The following OR13A1 variants were observed in gnomAD, a reference collection of about 807,000 sequenced individuals.
OR13A1 encodes the protein olfactory receptor family 13 subfamily A member 1, also known as olfactory receptor 13A1.
A neutral mutation model predicts 7.5 loss-of-function variants in OR13A1; 10 were observed. That is an observed-to-expected ratio of 1.34 (90% CI 0.83 to 2.27). The LOEUF is 2.27. Ranked by LOEUF, OR13A1 falls within the 30% of genes most tolerant of loss-of-function variation. The pLI, the probability that OR13A1 is intolerant of heterozygous loss-of-function variation, is 0.00. For missense variants in OR13A1, 509 were observed against 419.1 expected (o/e 1.21, Z -1.87); for synonymous variants, 238 against 177.9 (o/e 1.34, Z -2.69).
chr10:45,307,479 C>T lies in OR13A1; in HGVS notation c.-66G>A, dbSNP rs1838355817. 1 of 152,098 alleles carries T rather than the reference C, an allele frequency of 6.6e-6. No individual in the cohort carries two copies. The highest frequency in any genetic ancestry group is 1.5e-5 in the Non-Finnish European group (1 of 68,034). The allele number at this position is 152,098 out of a possible 1,614,324, so 9.4% of individuals were successfully genotyped here. A position where few individuals can be genotyped will look rare whatever the true frequency, so the allele number is the denominator to read the frequency against. On this transcript the variant is annotated 5_prime_UTR_variant, in exon 3 of 4. Transcript: ENST00000553795. Reference sequence around the variant, plus strand: ...AGGACAGTCTTCTCAATCAACTGGTCAATAATGAGATCAAAGAATCGGGGC... The same window carrying T: ...AGGACAGTCTTCTCAATCAACTGGTTAATAATGAGATCAAAGAATCGGGGC...
At position 45,303,487 on chromosome 10, in the gene OR13A1, G is replaced by T. The variant is rs770207447; in HGVS notation, c.936C>A (p.Asn312Lys). Residue 312 changes from asparagine (N) to lysine (K), a missense_variant, in exon 4 of 4, where the codon AAC (asparagine) becomes AAA (lysine). Asn to Lys is a moderately conservative substitution (Grantham distance 94). Coordinates refer to ENST00000553795, the MANE Select transcript of OR13A1 (RefSeq NM_001004297.3). ...TCCTGAGGGCTGCTTTGACCTCCTT[G>T]TTTCTCAAAGTATAGATGAGGGGGT... Reference protein sequence around the residue: ...TLNPLIYTLRNKEVKAALRKL... With the variant: ...TLNPLIYTLRKKEVKAALRKL... The T allele has an allele frequency of 6.2e-7, 1 of 1,611,596 alleles. No individual in the cohort carries two copies. The highest frequency in any genetic ancestry group is 1.3e-5 in the African/African-American group (1 of 74,878).
chr10:45,303,444 T>C lies in OR13A1; in HGVS notation c.979A>G (p.Arg327Gly). Residue 327 changes from arginine (R) to glycine (G), a missense_variant, in exon 4 of 4, where the codon AGA becomes GGA. Coordinates refer to ENST00000553795, the MANE Select transcript of OR13A1 (RefSeq NM_001004297.3). The part of the protein sequence containing the change: ...AALRKLFPFF[R>G]N ...ACTTCAGAAGACACAAGTTAATTTC[T>C]GAAGAAAGGGAAAAGCTTCCTGAGG... 1 of 1,590,164 alleles carries C rather than the reference T, an allele frequency of 6.3e-7. No individual in the cohort carries two copies. The highest frequency in any genetic ancestry group is 8.6e-7 in the Non-Finnish European group (1 of 1,166,682).
At chr10:45,313,316 A>G (rs1412571151) in intron 1 of OR13A1, among the ~76,000 whole-genome samples, 1 of 105,718 alleles carries the variant, frequency 9.5e-6, no homozygotes, top group Non-Finnish European at 1.9e-5. Context: ...GGGAATCAAA[A>G]TGTCACCACA....
chr10:45,304,126 C>G lies in OR13A1; in HGVS notation c.297G>C (p.Ala99=). The G allele has an allele frequency of 3.7e-6, 6 of 1,614,146 alleles. No individual in the cohort carries two copies. Among genetic ancestry groups the G allele is most frequent in the Non-Finnish European group, 5.1e-6 (6 of 1,180,020 alleles). Residue 99 remains alanine, a synonymous_variant, in exon 4 of 4, where the codon GCG becomes GCC. Transcript: ENST00000553795. ...IICTSSIMPK[A]LASLVSEESS... The stretch of plus-strand genomic sequence containing the variant: ...TCTCTTCCGACACCAGACTGGCCAG[C>G]GCCTTGGGCATGATGGAAGAGGTGC...
At chr10:45,305,460 G>T (rs1838309311) in intron 3 of OR13A1, among the ~76,000 whole-genome samples, 1 of 152,160 alleles carries the variant, frequency 6.6e-6, no homozygotes, top group Admixed American at 6.5e-5. Flanking sequence ...AACAGTGATT[G>T]TTTTCACTTT....
rs1838440652 is a variant in OR13A1, at chr10:45,311,290, C to T, written c.-224-3482G>A. On this transcript the variant is annotated intron_variant, in intron 1 of 3. Coordinates refer to ENST00000553795, the MANE Select transcript of OR13A1 (RefSeq NM_001004297.3). ...TTCCCAACATATTATCTTGGGCTTG[C>T]ATCTTACATGATTAAAAAGAGAAAT... 5.9e-5 allele frequency among the ~76,000 whole-genome samples: 9 copies of T among 152,146 alleles called. 1 individual carries two copies. In the South Asian group the frequency reaches 1.7e-3, roughly 28 times the overall value.
At chr10:45,304,757 A>G (rs1248409215) in intron 3 of OR13A1, among the ~76,000 whole-genome samples, 1 of 152,190 alleles carries the variant, frequency 6.6e-6, no homozygotes, top group African/African-American at 2.4e-5. Flanking sequence ...GGCCTTTTAA[A>G]ATATGTATTC....
intron 1 of OR13A1, among the ~76,000 whole-genome samples, chr10:45,309,284 G>A (rs1334529322): frequency 1.3e-5 from 2 of 152,096 alleles, no homozygotes; most frequent in Non-Finnish European, 2.9e-5. Flanking sequence ...TGGAGCAAAT[G>A]TTTCCATGCT....
chr10:45,304,380 G>A lies in OR13A1; in HGVS notation c.43C>T (p.Arg15Cys), dbSNP rs777368075. ...MESHLIVPET[R>C]PSPRMMSNQT... Reference sequence around the variant, plus strand: ...TTACTCATCATCCTTGGGCTGGGACGGGTTTCTGGGACTATCAGGTGACTC... The same window carrying A: ...TTACTCATCATCCTTGGGCTGGGACAGGTTTCTGGGACTATCAGGTGACTC... Residue 15 changes from arginine to cysteine, a missense_variant, in exon 4 of 4, where the codon CGT (arginine) becomes TGT (cysteine). Arg to Cys is a radical substitution (Grantham distance 180, BLOSUM62 -3). Transcript: ENST00000553795. The A allele has an allele frequency of 1.1e-5, 18 of 1,613,902 alleles. No individual in the cohort carries two copies. Among genetic ancestry groups the A allele is most frequent in the East Asian group, 4.5e-5 (2 of 44,884 alleles).
chr10:45,302,712 A>G lies in OR13A1; in HGVS notation c.*724T>C, dbSNP rs569313251. On this transcript the variant is annotated 3_prime_UTR_variant, in exon 4 of 4. Coordinates refer to ENST00000553795, the MANE Select transcript of OR13A1 (RefSeq NM_001004297.3). ...TTTATTAGACACAGAGGATTCGTTC[A>G]CCCAGTTTTATCTGAAACAATGGAA... 2.6e-5 allele frequency: 4 copies of G among 152,336 alleles called. No individual in the cohort carries two copies. Among genetic ancestry groups the G allele is most frequent in the Non-Finnish European group, 5.9e-5 (4 of 68,036 alleles). The allele number at this position is 152,336 out of a possible 1,614,324, so 9.4% of individuals were successfully genotyped here.
chr10:45,305,371 A>T (rs1838306942), intron 3 of OR13A1, among the ~76,000 whole-genome samples: 1 of 152,244 alleles, frequency 6.6e-6, no homozygotes, highest in Non-Finnish European at 1.5e-5. Flanking sequence ...TGAAAAATTT[A>T]AAATAAAAAT....
chr10:45,310,037 G>A (rs1370400713), intron 1 of OR13A1, among the ~76,000 whole-genome samples: 1 of 152,100 alleles, frequency 6.6e-6, no homozygotes, highest in African/African-American at 2.4e-5. Flanking sequence ...CATTATGAAT[G>A]GGTCATCTAT....
intron 1 of OR13A1, among the ~76,000 whole-genome samples, chr10:45,309,572 G>C (rs1838402881): frequency 6.6e-6 from 1 of 152,002 alleles, no homozygotes. Flanking sequence ...GAAAGTTACT[G>C]GTCATGTGAC....
At position 45,303,799 on chromosome 10, in the gene OR13A1, G is replaced by A. The variant is rs758888054; in HGVS notation, c.624C>T (p.Ser208=). 1 of 1,613,736 alleles carries A rather than the reference G, an allele frequency of 6.2e-7. No individual in the cohort carries two copies. The highest frequency in any genetic ancestry group is 8.5e-7 in the Non-Finnish European group (1 of 1,180,054). The change falls in exon 4 of 4, where the codon AGC becomes AGT. Residue 208 remains serine (S), a synonymous_variant. Coordinates refer to ENST00000553795, the MANE Select transcript of OR13A1 (RefSeq NM_001004297.3). ...TCATGACACCGTTGACGTAGGTGGA[G>A]CTGCAGGAGAGAAGCAGCAGGGGAG... The part of the protein sequence containing the change: ...EVPPLLLLSC[S]STYVNGVMIV...
In OR13A1 at chr10:45,303,790, G is replaced by A. The variant is rs764428427; in HGVS notation, c.633C>T (p.Tyr211=). 1.1e-4 allele frequency: 177 copies of A among 1,613,780 alleles called. No homozygotes were observed. Among genetic ancestry groups the A allele is most frequent in the Non-Finnish European group, 5.1e-5 (60 of 1,180,058 alleles). ...CCAGGACAATCATGACACCGTTGAC[G>A]TAGGTGGAGCTGCAGGAGAGAAGCA... ...PLLLLSCSST[Y]VNGVMIVLAD... Residue 211 remains tyrosine, a synonymous_variant, in exon 4 of 4, where the codon TAC becomes TAT. Coordinates refer to ENST00000553795, the MANE Select transcript of OR13A1 (RefSeq NM_001004297.3).
intron 1 of OR13A1, among the ~76,000 whole-genome samples, chr10:45,311,737 G>A (rs763245543): frequency 1.3e-5 from 2 of 149,568 alleles, no homozygotes; most frequent in Admixed American, 6.6e-5. Flanking sequence ...TGGGTACTAG[G>A]CTTAGTACCT....
At position 45,303,846 on chromosome 10, in the gene OR13A1, T is replaced by C; in HGVS notation, c.577A>G (p.Ile193Val). ...GGAGGGACCTCGCAGAAGAAATGGATAATGACATTGGGGCCACAGAAATCC... is the reference window on the plus strand; with the variant it reads ...GGAGGGACCTCGCAGAAGAAATGGACAATGACATTGGGGCCACAGAAATCC... Reference protein sequence around the residue: ...RLDFCGPNVIIHFFCEVPPLL... With the variant: ...RLDFCGPNVIVHFFCEVPPLL... The change falls in exon 4 of 4, where the codon ATC becomes GTC. Residue 193 changes from isoleucine to valine, a missense_variant. By Grantham distance (29) the Ile-to-Val change is conservative. Coordinates refer to ENST00000553795, the MANE Select transcript of OR13A1 (RefSeq NM_001004297.3). 1.2e-6 allele frequency: 2 copies of C among 1,612,776 alleles called. No homozygotes were observed. Among genetic ancestry groups the C allele is most frequent in the Non-Finnish European group, 1.7e-6 (2 of 1,180,026 alleles).
intron 1 of OR13A1, among the ~76,000 whole-genome samples, chr10:45,309,254 T>C (rs1161226885): frequency 6.6e-6 from 1 of 152,136 alleles, no homozygotes; most frequent in African/African-American, 2.4e-5. Context: ...TCTGGACTGC[T>C]ATCCATGGAA....
chr10:45,304,483 C>T, intron 3 of OR13A1, 49 bp from the exon 4 acceptor site: 2 of 1,471,398 alleles, frequency 1.4e-6, no homozygotes, highest in Non-Finnish European at 1.9e-6. Flanking sequence ...TCCCGTGTTT[C>T]TTCCACACCT....
Sources: allele counts gnomAD v4.1 joint callset (sites outside exome capture counted in the v4.1 genomes callset), GRCh38; gene constraint gnomAD v4.1.1; transcripts MANE v1.5; gene names NCBI Gene and HGNC (gene_info 2026-07-23, HGNC 2026-07-21).